The following THSD7B variants were observed in gnomAD, a reference collection of about 807,000 sequenced individuals.
THSD7B encodes thrombospondin type-1 domain-containing protein 7B.
In THSD7B, 138 loss-of-function variants were observed where a neutral mutation model predicts 213.6. The ratio of observed to expected loss-of-function variants is 0.65; its 90% CI spans 0.56 to 0.74. The LOEUF is 0.74. THSD7B is among the 30% of genes least tolerant of loss of function. The pLI is 0.00. For missense variants in THSD7B, 1,931 were observed against 1,991.5 expected, an observed-to-expected ratio of 0.97 and a Z score of 0.58; for synonymous variants, 742 against 687.0, an observed-to-expected ratio of 1.08 and a Z score of -1.25.
chr2:137,646,179 A>G (rs1045426673), intron 21 of THSD7B, among the ~76,000 whole-genome samples: 1 of 152,030 alleles, frequency 6.6e-6, no homozygotes, highest in Non-Finnish European at 1.5e-5. Context: ...ATAACCCCCA[A>G]TGTGATGGAA....
chr2:137,601,408 A>G (rs2104823616), intron 17 of THSD7B, among the ~76,000 whole-genome samples: 1 of 152,292 alleles, frequency 6.6e-6, no homozygotes, highest in Middle Eastern at 3.4e-3. Context: ...TTTTAGGTGT[A>G]TTTAGATACA....
At chr2:137,655,395 T>C in intron 21 of THSD7B, 106 bp from the exon 22 acceptor site, 1 of 1,236,174 alleles carries the variant, frequency 8.1e-7, no homozygotes. Context: ...AAGAGGAAGC[T>C]ACGAAAATAT....
intron 10 of THSD7B, among the ~76,000 whole-genome samples, chr2:137,250,470 G>A (rs532751422): frequency 1.3e-5 from 2 of 152,200 alleles, no homozygotes; most frequent in East Asian, 3.9e-4. Flanking sequence ...TATGTTGAAA[G>A]AATTATTACT....
Position 137,201,075 on chromosome 2 carries a change from G to A in THSD7B, c.1724-29969G>A, listed in dbSNP as rs1225037964. On this transcript the variant is annotated intron_variant, in intron 7 of 27. Transcript: ENST00000409968. ...AGCATTGTTTCCAAGATTCATCCAGGTTGAACAGTAGTTTTAAATATATGT... is the reference window on the plus strand; with the variant it reads ...AGCATTGTTTCCAAGATTCATCCAGATTGAACAGTAGTTTTAAATATATGT... 2.0e-5 allele frequency among the ~76,000 whole-genome samples: 3 copies of A among 152,140 alleles called. No individual in the cohort carries two copies. The East Asian group carries it at 5.8e-4, about 29-fold the overall frequency.
intron 12 of THSD7B, among the ~76,000 whole-genome samples, chr2:137,403,284 AT>A (rs1468019128): frequency 2.6e-5 from 4 of 152,200 alleles, no homozygotes; most frequent in Admixed American, 6.5e-5. Flanking sequence ...CTAAAAAAAA[AT>A]AAAAATAAAA....
intron 12 of THSD7B, among the ~76,000 whole-genome samples, chr2:137,311,531 T>C (rs1683906485): frequency 6.6e-6 from 1 of 152,096 alleles, no homozygotes; most frequent in Admixed American, 6.6e-5. Flanking sequence ...GAACAGAACT[T>C]CCAACACTAT....
intron 1 of THSD7B, among the ~76,000 whole-genome samples, chr2:136,863,746 A>G (rs1182344960): frequency 1.8e-5 from 1 of 55,282 alleles, no homozygotes; most frequent in African/African-American, 7.1e-5. Context: ...AGAGAGGAGT[A>G]GATATTTCTG....
At chr2:137,445,299 G>T (rs1430913410) in intron 14 of THSD7B, among the ~76,000 whole-genome samples, 1 of 151,918 alleles carries the variant, frequency 6.6e-6, no homozygotes, top group Non-Finnish European at 1.5e-5. Context: ...CAAAGTATCA[G>T]CACTGCAATG....
chr2:137,176,296 A>T (rs1680355502), intron 7 of THSD7B, among the ~76,000 whole-genome samples: 1 of 152,240 alleles, frequency 6.6e-6, no homozygotes. Context: ...TAAAATAAAT[A>T]TGCGGTTTAT....
chr2:137,203,018 A>G (rs6755795), intron 7 of THSD7B, among the ~76,000 whole-genome samples: 89,564 of 151,526 alleles, frequency 0.59, 26,813 homozygotes, highest in South Asian at 0.71. Context: ...GGAGGCATGG[A>G]CAAACAGACA....
At chr2:136,907,582 C>T (rs183987378) in intron 2 of THSD7B, among the ~76,000 whole-genome samples, 4 of 152,298 alleles carry the variant, frequency 2.6e-5, no homozygotes, top group Admixed American at 2.6e-4. Context: ...TCATTTATTT[C>T]ATGCCTAAGC....
chr2:137,436,856 A>G (rs1304228767), intron 14 of THSD7B, among the ~76,000 whole-genome samples: 1 of 152,182 alleles, frequency 6.6e-6, no homozygotes, highest in East Asian at 1.9e-4. Flanking sequence ...ATATCTCCAC[A>G]TTTAGAATTG....
chr2:137,497,174 C>T (rs959215847), intron 15 of THSD7B, among the ~76,000 whole-genome samples: 8 of 147,896 alleles, frequency 5.4e-5, no homozygotes, highest in African/African-American at 1.5e-4. Context: ...TGAAATTCTA[C>T]ATAGACACAC....
intron 17 of THSD7B, among the ~76,000 whole-genome samples, chr2:137,610,705 G>A (rs1469175246): frequency 1.3e-5 from 2 of 151,912 alleles, no homozygotes; most frequent in African/African-American, 2.4e-5. Context: ...CATTTCTATG[G>A]GAAGAGATAT....
rs1271828558 is a variant in THSD7B, at chr2:137,534,016, GCGCACACA to G, written c.3139-29203_3139-29196del. Among the ~76,000 whole-genome samples, 40 of 136,164 alleles carry G rather than the reference GCGCACACA, an allele frequency of 2.9e-4. 1 individual carries two copies. The highest frequency in any genetic ancestry group is 3.8e-3 in the Middle Eastern group (1 of 260). 89.3% of individuals were successfully genotyped at this position (136,164 alleles called of 152,430 possible). On this transcript the variant is annotated intron_variant, in intron 15 of 27. Coordinates refer to ENST00000409968, the MANE Select transcript of THSD7B (RefSeq NM_001316349.2). ...TGCACATGTATGTGTGTGTGTGTGC[GCGCACACA>G]CACACACACACACACACACAGACTT...
intron 14 of THSD7B, among the ~76,000 whole-genome samples, chr2:137,415,856 C>G (rs886933233): frequency 1.3e-5 from 2 of 151,784 alleles, no homozygotes; most frequent in African/African-American, 4.8e-5. Context: ...TTCCTATTTC[C>G]CTTGCCAGTC....
chr2:137,247,812 T>C (rs1218214164), intron 10 of THSD7B, among the ~76,000 whole-genome samples: 1 of 152,112 alleles, frequency 6.6e-6, no homozygotes, highest in Non-Finnish European at 1.5e-5. Context: ...GCATGTAGCA[T>C]GGATTCTTGA....
chr2:136,856,929 G>A (rs1172369787), intron 1 of THSD7B, among the ~76,000 whole-genome samples: 1 of 152,140 alleles, frequency 6.6e-6, no homozygotes, highest in Non-Finnish European at 1.5e-5. Context: ...AGTGATCTAA[G>A]ATTTCATAAA....
At chr2:136,956,601 C>CAAAA (rs10676991) in intron 2 of THSD7B, among the ~76,000 whole-genome samples, 1,883 of 121,552 alleles carry the variant, frequency 0.015, 55 homozygotes, top group African/African-American at 0.051. Flanking sequence ...GACCCTGTCT[C>CAAAA]AAAAAAAAAA....
Sources: allele counts gnomAD v4.1 joint callset (sites outside exome capture counted in the v4.1 genomes callset), GRCh38; gene constraint gnomAD v4.1.1; transcripts MANE v1.5; gene names NCBI Gene and HGNC (gene_info 2026-07-23, HGNC 2026-07-21).